Variants in NTRK2 observed in about 807,000 individuals in gnomAD.
NTRK2 encodes the protein neurotrophic receptor tyrosine kinase 2.
In NTRK2, 13 loss-of-function variants were observed where a neutral mutation model predicts 94.5. The ratio of observed to expected loss-of-function variants is 0.14; its 90% CI spans 0.09 to 0.22. The LOEUF (loss-of-function observed/expected upper bound fraction) is 0.22. Ranked by LOEUF, NTRK2 falls within the 10% of genes least tolerant of loss-of-function variation. The pLI is 1.00. For missense variants in NTRK2, 639 were observed against 1,071.2 expected, an observed-to-expected ratio of 0.60 and a Z score of 5.63; for synonymous variants, 372 against 407.4, an observed-to-expected ratio of 0.91 and a Z score of 1.05.
At chr9:85,018,883 T>C (rs1447979307) in intron 17 of NTRK2, among the ~76,000 whole-genome samples, 3 of 152,166 alleles carry the variant, frequency 2.0e-5, no homozygotes, top group East Asian at 3.9e-4. Context: ...AACTTAGCCT[T>C]TATGAGCTTT....
In NTRK2 at chr9:84,973,803, A is replaced by G. The variant is rs56046495; in HGVS notation, c.2172+18286A>G. On this transcript the variant is annotated intron_variant, in intron 17 of 18. Coordinates refer to ENST00000277120, the MANE Select transcript of NTRK2 (RefSeq NM_006180.6). Reference sequence around the variant, plus strand: ...AAGTCTAATCTCAAGACTCAGGTTCACTGAATTAAACCAAAATATTGTCTT... The same window carrying G: ...AAGTCTAATCTCAAGACTCAGGTTCGCTGAATTAAACCAAAATATTGTCTT... 6.1e-3 allele frequency among the ~76,000 whole-genome samples: 930 copies of G among 152,304 alleles called. 12 individuals are homozygous for G. Among genetic ancestry groups the G allele is most frequent in the African/African-American group, 0.021 (864 of 41,554 alleles).
intron 12 of NTRK2, among the ~76,000 whole-genome samples, chr9:84,801,709 G>A (rs1052372207): frequency 3.3e-5 from 5 of 152,104 alleles, no homozygotes; most frequent in African/African-American, 9.7e-5. Context: ...CATTTTCAAC[G>A]TACTATATTT....
intron 12 of NTRK2, among the ~76,000 whole-genome samples, chr9:84,830,377 C>G (rs2073462982): frequency 6.6e-6 from 1 of 152,166 alleles, no homozygotes; most frequent in Admixed American, 6.5e-5. Flanking sequence ...ATTAGCACCA[C>G]TGGTTAGAAG....
Position 84,810,747 on chromosome 9 carries a change from G to A in NTRK2, c.1397-50293G>A, listed in dbSNP as rs1017817456. The A allele has an allele frequency of 5.4e-6, 8 of 1,486,582 alleles. No individual in the cohort carries two copies. In the South Asian group the frequency reaches 8.3e-5, roughly 15 times the overall value. The allele number at this position is 1,486,582 out of a possible 1,614,324, so 92.1% of individuals were successfully genotyped here. ...TTGGAGGCTGTACTATATGAAGCCT[G>A]CATATACTGTGAGCTGTGATTGGGG... is the stretch of plus-strand genomic sequence containing the variant. On this transcript the variant is annotated intron_variant, in intron 12 of 18. Coordinates refer to ENST00000277120, the MANE Select transcript of NTRK2 (RefSeq NM_006180.6).
Position 84,934,253 on chromosome 9 carries a change from C to G in NTRK2, c.1725C>G (p.Asn575Lys), listed in dbSNP as rs781117934. 6.2e-7 allele frequency: 1 copy of G among 1,613,832 alleles called. No individual in the cohort carries two copies. The highest frequency in any genetic ancestry group is 1.3e-5 in the African/African-American group (1 of 74,892). ...FGKVFLAECYNLCPEQDKILV... is the reference protein window; with the variant it reads ...FGKVFLAECYKLCPEQDKILV... ...AAGTGTTCCTAGCTGAATGCTATAA[C>G]CTCTGTCCTGAGCAGGACAAGATCT... The change falls in exon 15 of 19, where the codon AAC becomes AAG. Residue 575 changes from asparagine to lysine, a missense_variant. This residue lies in a region of NTRK2 where 343 missense variants were observed against 571.5 expected (regional missense o/e 0.60). Transcript: ENST00000277120.
chr9:84,995,254 A>G (rs1029024019), intron 17 of NTRK2, among the ~76,000 whole-genome samples: 1 of 151,034 alleles, frequency 6.6e-6, no homozygotes, highest in Middle Eastern at 3.5e-3. Flanking sequence ...ACTGTAGAGG[A>G]CCGCACTTCC....
At chr9:84,986,455 C>T (rs1409652645) in intron 17 of NTRK2, among the ~76,000 whole-genome samples, 3 of 152,138 alleles carry the variant, frequency 2.0e-5, no homozygotes, top group Admixed American at 6.5e-5. Context: ...AATCTAATGC[C>T]ACCACTGATC....
At chr9:85,007,852 T>G (rs2133475421) in intron 17 of NTRK2, among the ~76,000 whole-genome samples, 1 of 152,286 alleles carries the variant, frequency 6.6e-6, no homozygotes, top group Middle Eastern at 3.4e-3. Flanking sequence ...AAGTTCTTGG[T>G]TATGCCTAGC....
chr9:84,691,888 G>T (rs1429244880), intron 2 of NTRK2, among the ~76,000 whole-genome samples: 1 of 152,160 alleles, frequency 6.6e-6, no homozygotes, highest in Non-Finnish European at 1.5e-5. Flanking sequence ...TGGTCCTCTT[G>T]TGAGCCTGCC....
rs151252808 is a variant in NTRK2, at chr9:84,873,848, A to C, written c.1633+6417A>C. On this transcript the variant is annotated intron_variant, in intron 14 of 18. Transcript: ENST00000277120. Reference sequence around the variant, plus strand: ...TCCTAGAGGAAACACTCCAGTCCTAAGCTTGGTGTCTGAAAAGAAAAACAA... The same window carrying C: ...TCCTAGAGGAAACACTCCAGTCCTACGCTTGGTGTCTGAAAAGAAAAACAA... 2.8e-6 allele frequency: 3 copies of C among 1,058,902 alleles called. No homozygotes were observed. In the African/African-American group the frequency reaches 4.9e-5, roughly 17 times the overall value. The allele number at this position is 1,058,902 out of a possible 1,614,324, so 65.6% of individuals were successfully genotyped here.
chr9:84,848,967 A>G (rs999626651), intron 12 of NTRK2, among the ~76,000 whole-genome samples: 1 of 152,216 alleles, frequency 6.6e-6, no homozygotes, highest in African/African-American at 2.4e-5. Flanking sequence ...GTAAACATTT[A>G]TATATTACAT....
At chr9:84,886,356 G>C (rs1404472282) in intron 14 of NTRK2, among the ~76,000 whole-genome samples, 2 of 152,212 alleles carry the variant, frequency 1.3e-5, no homozygotes, top group African/African-American at 4.8e-5. Flanking sequence ...AGCTTCGAAA[G>C]CTTTTGGAGC....
Position 85,025,872 on chromosome 9 carries a change from A to C in NTRK2, c.*4435A>C, listed in dbSNP as rs1348666746. ...AATGTGGAGCCTCTGAGGTTGTGAT[A>C]GCTTGTACATGAATTTCAAATGTCA... On this transcript the variant is annotated 3_prime_UTR_variant, in exon 19 of 19. Transcript: ENST00000277120. 8.7e-6 allele frequency: 2 copies of C among 231,134 alleles called. No homozygotes were observed. The highest frequency in any genetic ancestry group is 4.4e-5 in the African/African-American group (2 of 45,184). 14.3% of individuals were successfully genotyped at this position (231,134 alleles called of 1,614,324 possible).
At chr9:84,968,532 C>G (rs945500915) in intron 17 of NTRK2, among the ~76,000 whole-genome samples, 20 of 152,108 alleles carry the variant, frequency 1.3e-4, no homozygotes, top group African/African-American at 4.8e-4. Context: ...GGTTTTTTGT[C>G]CAGCCTACCA....
At chr9:84,870,893 A>G (rs903503441) in intron 14 of NTRK2, among the ~76,000 whole-genome samples, 3 of 152,222 alleles carry the variant, frequency 2.0e-5, no homozygotes, top group African/African-American at 7.2e-5. Flanking sequence ...TGACTTTAGA[A>G]TATACATATG....
At position 84,960,468 on chromosome 9, in the gene NTRK2, T is replaced by C. The variant is rs1824775775; in HGVS notation, c.2172+4951T>C. On this transcript the variant is annotated intron_variant, in intron 17 of 18. Coordinates refer to ENST00000277120, the MANE Select transcript of NTRK2 (RefSeq NM_006180.6). ...ATCATTCCTTGGTCTTTAAAAAGAC[T>C]GTGTTTATTTTTAAGAAATATTTTT... is the stretch of plus-strand genomic sequence containing the variant. 2.0e-5 allele frequency among the ~76,000 whole-genome samples: 3 copies of C among 152,218 alleles called. No homozygotes were observed. In the South Asian group the frequency reaches 6.2e-4, roughly 32 times the overall value.
chr9:84,969,265 T>A (rs1018428945), intron 17 of NTRK2, among the ~76,000 whole-genome samples: 4 of 152,220 alleles, frequency 2.6e-5, no homozygotes, highest in Non-Finnish European at 5.9e-5. Context: ...GTCTTTGGAG[T>A]TGGTCCAGAA....
chr9:84,934,243 AATGCT>A lies in NTRK2; in HGVS notation c.1718_1722del (p.Cys573Ter). 1 of 1,614,060 alleles carries A rather than the reference AATGCT, an allele frequency of 6.2e-7. No individual in the cohort carries two copies. The highest frequency in any genetic ancestry group is 1.3e-5 in the African/African-American group (1 of 75,044). ...GCCTTTGGAAAAGTGTTCCTAGCTG[AATGCT>A]ATAACCTCTGTCCTGAGCAGGACAA... On this transcript the variant is annotated frameshift_variant, in exon 15 of 19. Transcript: ENST00000277120. LOFTEE classifies it high-confidence loss of function.
At chr9:84,798,884 C>T (rs1001148387) in intron 12 of NTRK2, among the ~76,000 whole-genome samples, 1 of 147,256 alleles carries the variant, frequency 6.8e-6, no homozygotes, top group South Asian at 2.1e-4. Context: ...TTACTGAACA[C>T]CTGCTATATG....
Sources: gnomAD v4.1 joint callset for allele counts (sites outside exome capture counted in the v4.1 genomes callset) on GRCh38, gnomAD v4.1.1 for gene constraint, gnomAD v4.1.1 regional missense constraint, MANE v1.5 for transcripts, NCBI Gene and HGNC (gene_info 2026-07-23, HGNC 2026-07-21) for gene names.